The following CHRM2 variants were observed in gnomAD, a reference collection of about 807,000 sequenced individuals.
The protein encoded by CHRM2 is cholinergic receptor muscarinic 2, also known as muscarinic acetylcholine receptor M2.
Under a neutral mutation model 25.0 loss-of-function variants are expected in CHRM2, and 8 were observed. That is an observed-to-expected ratio of 0.32 (90% CI 0.19 to 0.58). The LOEUF (loss-of-function observed/expected upper bound fraction) is 0.58, where lower values mean the gene tolerates loss of function less well. CHRM2 is among the 20% of genes least tolerant of loss of function. The probability of loss-of-function intolerance (pLI) is 0.88; values close to 1 mark genes in which losing one functional copy is unlikely to be tolerated. For synonymous variants in CHRM2, 202 were observed against 205.7 expected, an observed-to-expected ratio of 0.98 and a Z score of 0.15; for missense variants, 440 against 567.1, an observed-to-expected ratio of 0.78 and a Z score of 2.28.
chr7:136,923,748 C>T (rs1022499272), intron 2 of CHRM2, among the ~76,000 whole-genome samples: 12 of 151,872 alleles, frequency 7.9e-5, no homozygotes, highest in Admixed American at 7.9e-4. Context: ...GTGTCTCATG[C>T]TTTTAATCCC....
At chr7:136,964,302 G>A (rs964306721) in intron 2 of CHRM2, among the ~76,000 whole-genome samples, 2 of 151,886 alleles carry the variant, frequency 1.3e-5, no homozygotes, top group South Asian at 2.1e-4. Context: ...CTATTTAGGG[G>A]ATCACTATTT....
At position 137,015,446 on chromosome 7, in the gene CHRM2, C is replaced by T. The variant is rs1393506388; in HGVS notation, c.581C>T (p.Ala194Val). Reference protein sequence around the residue: ...AAVTFGTAIAAFYLPVIIMTV... With the variant: ...AAVTFGTAIAVFYLPVIIMTV... ...GTCACCTTTGGTACGGCTATTGCAG[C>T]CTTCTATTTGCCAGTGATCATCATG... is the stretch of plus-strand genomic sequence containing the variant. Residue 194 changes from alanine to valine, a missense_variant, in exon 4 of 4, where the codon GCC (alanine) becomes GTC (valine). This residue lies in a region of CHRM2 where 261 missense variants were observed against 261.8 expected (regional missense o/e 1.00). Transcript: ENST00000680005. This position sits in a 1 kb window ranked among gnomAD's most constrained non-coding sequence, Gnocchi z 5.1. The T allele has an allele frequency of 6.2e-7, 1 of 1,613,328 alleles. No individual in the cohort carries two copies. Among genetic ancestry groups the T allele is most frequent in the South Asian group, 1.1e-5 (1 of 91,076 alleles).
At chr7:136,914,970 G>A (rs1246104826) in intron 2 of CHRM2, among the ~76,000 whole-genome samples, 1 of 151,910 alleles carries the variant, frequency 6.6e-6, no homozygotes, top group East Asian at 1.9e-4. Flanking sequence ...TGATCCTACA[G>A]TGCTAGTGAA....
In CHRM2 at chr7:136,951,269, T is replaced by C. The variant is rs1171671026; in HGVS notation, c.-124-40918T>C. ...GCACATGGATGACAAAGAAACCCTG[T>C]CAATTTTGAAGATACATAGAATTTG... On this transcript the variant is annotated intron_variant, in intron 2 of 3. Transcript: ENST00000680005. Among the ~76,000 whole-genome samples, 3 of 152,296 alleles carry C rather than the reference T, an allele frequency of 2.0e-5. 1 individual carries two copies. In the East Asian group the frequency reaches 5.8e-4, roughly 29 times the overall value.
chr7:136,894,968 G>C (rs950684660), intron 2 of CHRM2, among the ~76,000 whole-genome samples: 5 of 151,914 alleles, frequency 3.3e-5, no homozygotes, highest in African/African-American at 1.2e-4. Flanking sequence ...TTTGTTTCTT[G>C]TTTCTTTCCC....
intron 2 of CHRM2, among the ~76,000 whole-genome samples, chr7:136,932,503 G>A (rs1799165677): frequency 6.6e-6 from 1 of 152,166 alleles, no homozygotes. Flanking sequence ...TGACAAAGAT[G>A]TCATCATAAT....
At chr7:136,968,675 T>C (rs902054288) in intron 2 of CHRM2, among the ~76,000 whole-genome samples, 2 of 148,604 alleles carry the variant, frequency 1.3e-5, no homozygotes, top group Non-Finnish European at 3.0e-5. Context: ...ATATATATTG[T>C]ATATACCATA....
chr7:136,881,826 G>C (rs554952205), intron 2 of CHRM2, among the ~76,000 whole-genome samples: 1 of 152,124 alleles, frequency 6.6e-6, no homozygotes, highest in South Asian at 2.1e-4. Context: ...AAGAAGAGGA[G>C]AGGAAAAAAT....
Position 137,016,002 on chromosome 7 carries a change from T to C in CHRM2, c.1137T>C (p.Pro379=). The change falls in exon 4 of 4, where the codon CCT becomes CCC. Residue 379 remains proline, a synonymous_variant. Coordinates refer to ENST00000680005, the MANE Select transcript of CHRM2 (RefSeq NM_001006630.2). ...TKQPAKKKPP[P]SREKKVTRTI... is the part of the protein sequence containing the mutation. ...AGCCTGCAAAAAAGAAGCCTCCTCC[T>C]TCCCGGGAAAAGAAAGTCACCAGGA... is the stretch of plus-strand genomic sequence containing the variant. 6.2e-7 allele frequency: 1 copy of C among 1,613,144 alleles called. No individual in the cohort carries two copies. The highest frequency in any genetic ancestry group is 8.5e-7 in the Non-Finnish European group (1 of 1,179,436).
chr7:136,986,668 G>A (rs1253412714), intron 2 of CHRM2, among the ~76,000 whole-genome samples: 1 of 152,038 alleles, frequency 6.6e-6, no homozygotes, highest in East Asian at 1.9e-4. Flanking sequence ...TTAAAAATTT[G>A]GTCTAAATGT....
rs545736229 is a variant in CHRM2 at position 136,967,808 on chromosome 7, A to T, written c.-124-24379A>T. ...GAGTTGTCAGCTCCACTGAAACTACAATTAGGGTCTGAGTAATCTGTGACA... is the reference window on the plus strand; with the variant it reads ...GAGTTGTCAGCTCCACTGAAACTACTATTAGGGTCTGAGTAATCTGTGACA... On this transcript the variant is annotated intron_variant, in intron 2 of 3. Coordinates refer to ENST00000680005, the MANE Select transcript of CHRM2 (RefSeq NM_001006630.2). Among the ~76,000 whole-genome samples the T allele has an allele frequency of 2.6e-5, 4 of 152,112 alleles. No individual in the cohort carries two copies. In the South Asian group the frequency reaches 8.3e-4, roughly 32 times the overall value.
intron 2 of CHRM2, among the ~76,000 whole-genome samples, chr7:136,873,447 C>G (rs1389523586): frequency 2.0e-5 from 3 of 152,204 alleles, no homozygotes; most frequent in Non-Finnish European, 4.4e-5. Flanking sequence ...AAAATACAGC[C>G]AGGCATACCT....
At chr7:136,890,255 C>T (rs547314148) in intron 2 of CHRM2, among the ~76,000 whole-genome samples, 4 of 152,238 alleles carry the variant, frequency 2.6e-5, no homozygotes, top group South Asian at 4.1e-4. Context: ...TAAGGAAAGG[C>T]GTGGGCACAT....
chr7:136,915,521 C>A (rs1347596052), intron 2 of CHRM2, among the ~76,000 whole-genome samples: 1 of 151,700 alleles, frequency 6.6e-6, no homozygotes, highest in African/African-American at 2.4e-5. Context: ...ATTAAGAAAT[C>A]AAGAATTTTG....
intron 2 of CHRM2, among the ~76,000 whole-genome samples, chr7:136,888,822 G>A (rs528466939): frequency 7.0e-4 from 107 of 152,000 alleles, no homozygotes; most frequent in African/African-American, 2.2e-3. Context: ...CAAGGCAGGC[G>A]GATCACGAAG....
In CHRM2 at chr7:137,015,137, T is replaced by C. The variant is rs1014962510; in HGVS notation, c.272T>C (p.Leu91Ser). 1.2e-6 allele frequency: 2 copies of C among 1,613,592 alleles called. No homozygotes were observed. The highest frequency in any genetic ancestry group is 1.7e-6 in the Non-Finnish European group (2 of 1,179,646). Residue 91 changes from leucine to serine, a missense_variant, in exon 4 of 4, where the codon TTG (leucine) becomes TCG (serine). This residue lies in a region of CHRM2 where 86 missense variants were observed against 124.9 expected (regional missense o/e 0.69). Transcript: ENST00000680005. This position sits in a 1 kb window ranked among gnomAD's most constrained non-coding sequence, Gnocchi z 5.1. The stretch of plus-strand genomic sequence containing the variant: ...TACACTGTGATTGGTTACTGGCCTT[T>C]GGGACCTGTGGTGTGTGACCTTTGG... ...TLYTVIGYWP[L>S]GPVVCDLWLA...
chr7:136,920,053 A>AATATGGTGACATTTCAATCTT (rs1203302264), intron 2 of CHRM2, among the ~76,000 whole-genome samples: 1 of 151,724 alleles, frequency 6.6e-6, no homozygotes, highest in Admixed American at 6.6e-5. Context: ...GGGATGCAGA[A>AATATGGTGACATTTCAATCTT]ATATGGTGAC....
Position 137,017,873 on chromosome 7 carries a change from G to A in CHRM2, c.*1607G>A, listed in dbSNP as rs961026967. The stretch of plus-strand genomic sequence containing the variant: ...CCACGTAGAGATTTTTTATTTGGTC[G>A]TCTAAATAAATATAGGATTAGGATT... On this transcript the variant is annotated 3_prime_UTR_variant, in exon 4 of 4. Transcript: ENST00000680005. 24 of 151,876 alleles carry A rather than the reference G, an allele frequency of 1.6e-4. No individual in the cohort carries two copies. Among genetic ancestry groups the A allele is most frequent in the African/African-American group, 4.6e-4 (19 of 41,480 alleles). 9.4% of individuals were successfully genotyped at this position (151,876 alleles called of 1,614,324 possible).
At chr7:136,905,906 C>T (rs531692203) in intron 2 of CHRM2, among the ~76,000 whole-genome samples, 1 of 151,212 alleles carries the variant, frequency 6.6e-6, no homozygotes, top group Admixed American at 6.6e-5. Flanking sequence ...TGTATTTTAT[C>T]ATTCCATGTT....
Sources: allele counts gnomAD v4.1 joint callset (sites outside exome capture counted in the v4.1 genomes callset), GRCh38; gene constraint gnomAD v4.1.1; regional missense constraint gnomAD v4.1.1; non-coding constraint Gnocchi (gnomAD v3.1); transcripts MANE v1.5; gene names NCBI Gene and HGNC (gene_info 2026-07-23, HGNC 2026-07-21).